MAML3: variants seen among roughly 807,000 people sequenced by gnomAD.
The protein encoded by MAML3 is mastermind-like protein 3.
In MAML3, 27 loss-of-function variants were observed where a neutral mutation model predicts 101.9. That is an observed-to-expected ratio of 0.27 (90% confidence interval 0.20 to 0.37). The LOEUF (loss-of-function observed/expected upper bound fraction) is 0.37. Ranked by LOEUF, MAML3 falls within the 10% of genes least tolerant of loss-of-function variation. The pLI, the probability that MAML3 is intolerant of heterozygous loss-of-function variation, is 1.00. For missense variants in MAML3, 1,316 were observed against 1,444.9 expected (o/e 0.91, Z 1.45); for synonymous variants, 501 against 555.9 (o/e 0.90, Z 1.39).
chr4:139,719,831 C>A lies in MAML3; in HGVS notation c.2909G>T (p.Gly970Val). ...AQSWQQRSLQ[G>V]MPGRTSGELG... ...TTCTCCACTAGTCCTCCCAGGCATG[C>A]CCTGCAAGCTCCTCTGTTGCCAGCT... Residue 970 changes from glycine (G) to valine (V), a missense_variant, in exon 5 of 5, where the codon GGC becomes GTC. Transcript: ENST00000509479. 1 of 1,613,570 alleles carries A rather than the reference C, an allele frequency of 6.2e-7. No individual in the cohort carries two copies. Among genetic ancestry groups the A allele is most frequent in the Non-Finnish European group, 8.5e-7 (1 of 1,179,896 alleles).
chr4:140,034,986 T>C (rs1181360691), intron 1 of MAML3, among the ~76,000 whole-genome samples: 1 of 152,206 alleles, frequency 6.6e-6, no homozygotes, highest in African/African-American at 2.4e-5. Context: ...AAGTTCTTTT[T>C]TGAGATGGAG....
intron 1 of MAML3, among the ~76,000 whole-genome samples, chr4:139,952,790 C>T (rs190529524): frequency 6.6e-6 from 1 of 152,264 alleles, no homozygotes; most frequent in Non-Finnish European, 1.5e-5. Flanking sequence ...TAGGCTTGGC[C>T]CATAAAAACC....
At chr4:140,133,262 G>A (rs187746915) in intron 1 of MAML3, 2 of 327,822 alleles carry the variant, frequency 6.1e-6, no homozygotes, top group Admixed American at 7.8e-5. Flanking sequence ...CAGTGGTCCT[G>A]CCTTATAAAA....
chr4:139,803,660 C>T (rs889622564), intron 2 of MAML3, among the ~76,000 whole-genome samples: 3 of 152,132 alleles, frequency 2.0e-5, no homozygotes, highest in African/African-American at 7.2e-5. Flanking sequence ...GCTTCTGTTA[C>T]CCCAGTTCTC....
intron 1 of MAML3, among the ~76,000 whole-genome samples, chr4:140,119,629 T>TCCTCCCTTCC: frequency 2.2e-5 from 3 of 135,780 alleles, no homozygotes; most frequent in Admixed American, 7.3e-5. Flanking sequence ...CTCCCTTCCT[T>TCCTCCCTTCC]TTTTTTTTTA....
At chr4:139,974,776 G>T (rs1273064762) in intron 1 of MAML3, among the ~76,000 whole-genome samples, 1 of 152,066 alleles carries the variant, frequency 6.6e-6, no homozygotes, top group Non-Finnish European at 1.5e-5. Context: ...TAATCAATAC[G>T]ATAGGAGGTC....
intron 1 of MAML3, among the ~76,000 whole-genome samples, chr4:139,966,413 T>A (rs982521817): frequency 5.3e-5 from 8 of 152,072 alleles, no homozygotes; most frequent in Admixed American, 5.2e-4. Flanking sequence ...CATGCAAGGA[T>A]TTTTCATGTT....
intron 1 of MAML3, among the ~76,000 whole-genome samples, chr4:139,992,466 C>T (rs1399868402): frequency 1.3e-5 from 2 of 152,268 alleles, no homozygotes; most frequent in South Asian, 4.1e-4. Flanking sequence ...ACACTCCCAA[C>T]AGTAATATAT....
chr4:140,037,780 T>A (rs1456078881), intron 1 of MAML3, among the ~76,000 whole-genome samples: 1 of 152,260 alleles, frequency 6.6e-6, no homozygotes, highest in African/African-American at 2.4e-5. Context: ...TGTTAAACTG[T>A]ACTTTTCAGA....
chr4:140,151,552 G>A (rs1478514187), intron 1 of MAML3, among the ~76,000 whole-genome samples: 2 of 152,158 alleles, frequency 1.3e-5, no homozygotes, highest in African/African-American at 4.8e-5. Context: ...TAAACCGCAC[G>A]ACGGGAGGGC....
At position 140,046,588 on chromosome 4, in the gene MAML3, C is replaced by T. The variant is rs1284432490; in HGVS notation, c.468+106272G>A. Among the ~76,000 whole-genome samples, 3 of 152,266 alleles carry T rather than the reference C, an allele frequency of 2.0e-5. No homozygotes were observed. In the South Asian group the frequency reaches 6.2e-4, roughly 32 times the overall value. ...ATAATCTTTCAGGTTTTCTGGTCTT[C>T]GTTACGTAACAATTCAACAGGCATT... is the stretch of plus-strand genomic sequence containing the variant. On this transcript the variant is annotated intron_variant, in intron 1 of 4. Transcript: ENST00000509479.
chr4:139,819,600 T>G (rs180910537), intron 2 of MAML3, among the ~76,000 whole-genome samples: 3 of 152,300 alleles, frequency 2.0e-5, no homozygotes, highest in African/African-American at 4.8e-5. Flanking sequence ...TTTTTTCCAA[T>G]TGGACTATAC....
chr4:140,104,839 C>T (rs1728325049), intron 1 of MAML3, among the ~76,000 whole-genome samples: 1 of 149,454 alleles, frequency 6.7e-6, no homozygotes, highest in Non-Finnish European at 1.5e-5. Flanking sequence ...ATAAAGGCAT[C>T]ATTATAAAAC....
At chr4:139,799,063 A>G (rs991824782) in intron 2 of MAML3, among the ~76,000 whole-genome samples, 2 of 152,212 alleles carry the variant, frequency 1.3e-5, no homozygotes, top group Non-Finnish European at 2.9e-5. Context: ...TTCAGTTTCT[A>G]TCCCGAGCTT....
chr4:140,080,320 T>G (rs1399473512), intron 1 of MAML3, among the ~76,000 whole-genome samples: 1 of 152,214 alleles, frequency 6.6e-6, no homozygotes, highest in Non-Finnish European at 1.5e-5. Context: ...AGACAGGAGC[T>G]CTACTCATGG....
chr4:140,127,305 G>A (rs1357376031), intron 1 of MAML3, among the ~76,000 whole-genome samples: 1 of 152,210 alleles, frequency 6.6e-6, no homozygotes, highest in Non-Finnish European at 1.5e-5. Context: ...GGGAGGGGCA[G>A]TAAACCAGAT....
At chr4:139,919,838 G>A (rs1733091424) in intron 1 of MAML3, among the ~76,000 whole-genome samples, 1 of 152,168 alleles carries the variant, frequency 6.6e-6, no homozygotes, top group Admixed American at 6.5e-5. Flanking sequence ...CTTCTATTTG[G>A]CTAGGAAATT....
rs148769426 is a variant in MAML3, at chr4:139,768,774, A to G, written c.2080-38107T>C. ...ATGTATGGGGTCTGGGTAGACAGAA[A>G]TCAAGGCCTGAAAGCTATCGTGGCT... On this transcript the variant is annotated intron_variant, in intron 2 of 4. Coordinates refer to ENST00000509479, the MANE Select transcript of MAML3 (RefSeq NM_018717.5). Among the ~76,000 whole-genome samples the G allele has an allele frequency of 4.4e-3, 672 of 152,320 alleles. 6 individuals carry two copies. Among genetic ancestry groups the G allele is most frequent in the African/African-American group, 0.015 (605 of 41,562 alleles).
intron 2 of MAML3, among the ~76,000 whole-genome samples, chr4:139,770,058 C>G (rs1729944476): frequency 6.6e-6 from 1 of 151,948 alleles, no homozygotes; most frequent in African/African-American, 2.4e-5. Flanking sequence ...TAGCTGGGAC[C>G]ACAGGTGTAT....
Sources: gnomAD v4.1 joint callset for allele counts (sites outside exome capture counted in the v4.1 genomes callset) on GRCh38, gnomAD v4.1.1 for gene constraint, MANE v1.5 for transcripts, NCBI Gene and HGNC (gene_info 2026-07-23, HGNC 2026-07-21) for gene names.